Variants in ITGBL1 observed in about 807,000 individuals in gnomAD.
ITGBL1 encodes integrin subunit beta like 1, also known as integrin beta-like protein 1.
A neutral mutation model predicts 68.5 loss-of-function variants in ITGBL1; 51 were observed. The observed-to-expected ratio is 0.74, with a 90% CI of 0.59 to 0.94. ITGBL1 has a LOEUF of 0.94. ITGBL1 is among the 40% of genes least tolerant of loss of function. The pLI is 0.00. For synonymous variants in ITGBL1, 209 were observed against 227.3 expected, an observed-to-expected ratio of 0.92 and a Z score of 0.72; for missense variants, 649 against 647.4, an observed-to-expected ratio of 1.00 and a Z score of -0.03.
chr13:101,626,113 TATCAGCA>T (rs1377175123), intron 7 of ITGBL1, among the ~76,000 whole-genome samples: 2 of 152,286 alleles, frequency 1.3e-5, no homozygotes, highest in African/African-American at 2.4e-5. Flanking sequence ...AGACTAACGG[TATCAGCA>T]TCAAATTGTA....
intron 7 of ITGBL1, among the ~76,000 whole-genome samples, chr13:101,629,273 A>G (rs1206082924): frequency 6.6e-6 from 1 of 152,148 alleles, no homozygotes; most frequent in Non-Finnish European, 1.5e-5. Flanking sequence ...CTTTGCTGTA[A>G]GAGAGTAGGG....
intron 2 of ITGBL1, among the ~76,000 whole-genome samples, chr13:101,563,010 A>G (rs1460911040): frequency 6.6e-6 from 1 of 151,640 alleles, no homozygotes; most frequent in African/African-American, 2.4e-5. Context: ...ACACTTCTAC[A>G]TAACCCATAG....
chr13:101,465,985 T>C (rs1330115495), intron 2 of ITGBL1, among the ~76,000 whole-genome samples: 1 of 152,252 alleles, frequency 6.6e-6, no homozygotes, highest in Non-Finnish European at 1.5e-5. Flanking sequence ...ATGTTACTGA[T>C]AAACAGTTGA....
intron 6 of ITGBL1, among the ~76,000 whole-genome samples, chr13:101,597,839 A>G (rs1337244202): frequency 2.0e-5 from 3 of 152,096 alleles, no homozygotes; most frequent in Non-Finnish European, 4.4e-5. Context: ...GACATGAGCC[A>G]CAGCGCCCGG....
At chr13:101,586,447 A>G (rs992040109) in intron 6 of ITGBL1, among the ~76,000 whole-genome samples, 12 of 152,214 alleles carry the variant, frequency 7.9e-5, no homozygotes, top group African/African-American at 2.9e-4. Flanking sequence ...TCATATTTAC[A>G]GAGACTCTAC....
chr13:101,544,070 A>G (rs1236370076), intron 2 of ITGBL1, among the ~76,000 whole-genome samples: 1 of 152,168 alleles, frequency 6.6e-6, no homozygotes, highest in Admixed American at 6.5e-5. Context: ...GTCATTCTCC[A>G]TCTAGCTTTG....
At chr13:101,530,866 T>C (rs2049461639) in intron 2 of ITGBL1, among the ~76,000 whole-genome samples, 1 of 152,214 alleles carries the variant, frequency 6.6e-6, no homozygotes, top group South Asian at 2.1e-4. Flanking sequence ...CTTCTTGGAC[T>C]GACTATCAAC....
At chr13:101,598,118 G>A in intron 6 of ITGBL1, 35 bp from the exon 7 acceptor site, 2 of 1,564,910 alleles carry the variant, frequency 1.3e-6, no homozygotes, top group South Asian at 1.2e-5. Context: ...TTATCTTTAT[G>A]TACATTTTTA....
intron 7 of ITGBL1, among the ~76,000 whole-genome samples, chr13:101,637,178 T>C (rs1427985966): frequency 6.6e-6 from 1 of 152,020 alleles, no homozygotes; most frequent in Non-Finnish European, 1.5e-5. Flanking sequence ...GACTTGGAGG[T>C]GATGATATTT....
intron 2 of ITGBL1, among the ~76,000 whole-genome samples, chr13:101,551,489 G>T (rs9554803): frequency 0.64 from 97,709 of 151,844 alleles, 31,934 homozygotes; most frequent in Middle Eastern, 0.74. Context: ...TGGCCTTGGG[G>T]GCTGGAGAAA....
chr13:101,475,490 G>A (rs1031711140), intron 2 of ITGBL1, among the ~76,000 whole-genome samples: 1 of 151,276 alleles, frequency 6.6e-6, no homozygotes, highest in Non-Finnish European at 1.5e-5. Context: ...GGGGGAGAGA[G>A]AGATCAGCAT....
chr13:101,698,713 T>C (rs1449084766), intron 8 of ITGBL1, among the ~76,000 whole-genome samples: 1 of 152,252 alleles, frequency 6.6e-6, no homozygotes, highest in East Asian at 1.9e-4. Flanking sequence ...TCGTAAGATT[T>C]ATTTATTTTA....
chr13:101,549,292 C>T (rs914314244), intron 2 of ITGBL1, among the ~76,000 whole-genome samples: 3 of 151,754 alleles, frequency 2.0e-5, no homozygotes, highest in Admixed American at 6.6e-5. Flanking sequence ...TATTATCTTA[C>T]AGTATAAAAT....
intron 2 of ITGBL1, among the ~76,000 whole-genome samples, chr13:101,539,385 T>TC: frequency 6.6e-6 from 1 of 151,984 alleles, no homozygotes. Flanking sequence ...CATGAACTCA[T>TC]CATTTTTATG....
chr13:101,525,613 T>G (rs569998295), intron 2 of ITGBL1, among the ~76,000 whole-genome samples: 2 of 152,098 alleles, frequency 1.3e-5, no homozygotes, highest in Admixed American at 1.3e-4. Context: ...TTCTAATAAA[T>G]GCTAACTATT....
intron 2 of ITGBL1, among the ~76,000 whole-genome samples, chr13:101,533,531 A>G (rs558805280): frequency 6.6e-6 from 1 of 152,218 alleles, no homozygotes; most frequent in African/African-American, 2.4e-5. Context: ...GAGATACGTA[A>G]TCCTTCAAGT....
intron 9 of ITGBL1, among the ~76,000 whole-genome samples, chr13:101,710,169 C>A (rs1457569242): frequency 6.6e-6 from 1 of 152,142 alleles, no homozygotes; most frequent in African/African-American, 2.4e-5. Flanking sequence ...ATTTGTTTAT[C>A]CTTCAATGGG....
chr13:101,578,129 A>G (rs2050394052), intron 4 of ITGBL1, among the ~76,000 whole-genome samples: 1 of 152,164 alleles, frequency 6.6e-6, no homozygotes, highest in Non-Finnish European at 1.5e-5. Flanking sequence ...GGACATGAAT[A>G]GCGTAGGATA....
chr13:101,546,512 T>C (rs1344856106), intron 2 of ITGBL1, among the ~76,000 whole-genome samples: 1 of 152,082 alleles, frequency 6.6e-6, no homozygotes, highest in Non-Finnish European at 1.5e-5. Flanking sequence ...ACAAAAATGA[T>C]AGAAATAATT....
Sources: allele counts gnomAD v4.1 joint callset (sites outside exome capture counted in the v4.1 genomes callset), GRCh38; gene constraint gnomAD v4.1.1; transcripts MANE v1.5; gene names NCBI Gene and HGNC (gene_info 2026-07-23, HGNC 2026-07-21).